The following PARD3 variants were observed in gnomAD, a reference collection of about 807,000 sequenced individuals.
PARD3 encodes partitioning defective 3 homolog.
In PARD3, 75 loss-of-function variants were observed where a neutral mutation model predicts 155.4. The ratio of observed to expected loss-of-function variants is 0.48; its 90% CI spans 0.40 to 0.58. The LOEUF is 0.58. PARD3 is among the 20% of genes least tolerant of loss of function. The pLI is 0.00. For missense variants in PARD3, 1,642 were observed against 1,721.7 expected, an observed-to-expected ratio of 0.95 and a Z score of 0.82; for synonymous variants, 576 against 610.5, an observed-to-expected ratio of 0.94 and a Z score of 0.83.
intron 3 of PARD3, among the ~76,000 whole-genome samples, chr10:34,511,327 CTTGA>C (rs2081385346): frequency 6.6e-6 from 1 of 152,024 alleles, no homozygotes. Context: ...GTTGTCTCTC[CTTGA>C]TTATTATTTT....
chr10:34,794,801 C>G (rs1392740184), intron 1 of PARD3, among the ~76,000 whole-genome samples: 1 of 152,222 alleles, frequency 6.6e-6, no homozygotes, highest in African/African-American at 2.4e-5. Context: ...TTTTATTGCC[C>G]TTGCCCAGAT....
intron 22 of PARD3, among the ~76,000 whole-genome samples, chr10:34,196,568 CTTTTTTTTTTTT>C (rs71523319): frequency 6.2e-5 from 6 of 97,422 alleles, no homozygotes; most frequent in African/African-American, 8.7e-5. Flanking sequence ...GTACCCTTTT[CTTTTTTTTTTTT>C]TTTTTTTTTT....
chr10:34,338,556 C>T (rs1429217021), intron 16 of PARD3, among the ~76,000 whole-genome samples: 1 of 152,198 alleles, frequency 6.6e-6, no homozygotes, highest in Non-Finnish European at 1.5e-5. Context: ...TTATGATAGT[C>T]TTCCTCATGT....
intron 1 of PARD3, among the ~76,000 whole-genome samples, chr10:34,737,487 C>G (rs2094936535): frequency 1.3e-5 from 2 of 152,332 alleles, no homozygotes; most frequent in South Asian, 4.1e-4. Flanking sequence ...ATCCTATCCC[C>G]TCCCACAATG....
intron 5 of PARD3, among the ~76,000 whole-genome samples, chr10:34,405,836 A>G: frequency 6.6e-6 from 1 of 152,242 alleles, no homozygotes; most frequent in South Asian, 2.1e-4. Flanking sequence ...ACACTGGCAC[A>G]CACAGAAGAA....
intron 7 of PARD3, among the ~76,000 whole-genome samples, chr10:34,387,370 T>C (rs1397054960): frequency 6.6e-6 from 1 of 152,236 alleles, no homozygotes; most frequent in Non-Finnish European, 1.5e-5. Context: ...ATACATCCTT[T>C]CAGTATTTAT....
At chr10:34,331,591 A>T (rs1328922027) in intron 18 of PARD3, among the ~76,000 whole-genome samples, 1 of 152,170 alleles carries the variant, frequency 6.6e-6, no homozygotes, top group African/African-American at 2.4e-5. Context: ...TACTTTTTAA[A>T]AAAAATTTCA....
At chr10:34,298,073 T>C (rs1341629549) in intron 20 of PARD3, among the ~76,000 whole-genome samples, 1 of 151,872 alleles carries the variant, frequency 6.6e-6, no homozygotes, top group Non-Finnish European at 1.5e-5. Flanking sequence ...TCCTCTTTGG[T>C]AAAATGTAAC....
chr10:34,113,470 T>G (rs1946495625), intron 24 of PARD3, among the ~76,000 whole-genome samples: 1 of 151,832 alleles, frequency 6.6e-6, no homozygotes, highest in South Asian at 2.1e-4. Context: ...AAGTAAGATA[T>G]GTGGGTAAAA....
At chr10:34,684,836 T>C (rs2985300) in intron 2 of PARD3, among the ~76,000 whole-genome samples, 39,577 of 135,292 alleles carry the variant, frequency 0.29, 5,755 homozygotes, top group South Asian at 0.39. Context: ...CACACATATA[T>C]ACACACACAC....
At chr10:34,181,991 A>G (rs1397229551) in intron 22 of PARD3, among the ~76,000 whole-genome samples, 1 of 152,206 alleles carries the variant, frequency 6.6e-6, no homozygotes, top group Non-Finnish European at 1.5e-5. Flanking sequence ...CGTGTCAGAT[A>G]AGAATTTGTT....
At chr10:34,759,277 A>G (rs947599325) in intron 1 of PARD3, among the ~76,000 whole-genome samples, 2 of 152,132 alleles carry the variant, frequency 1.3e-5, no homozygotes, top group Admixed American at 1.3e-4. Flanking sequence ...CACACGTGTA[A>G]ATCTTTAAAC....
chr10:34,217,674 G>A (rs1454914190), intron 22 of PARD3, among the ~76,000 whole-genome samples: 2 of 152,082 alleles, frequency 1.3e-5, no homozygotes, highest in Admixed American at 1.3e-4. Context: ...AAGTACAGAG[G>A]CAGTCATGCA....
intron 15 of PARD3, among the ~76,000 whole-genome samples, chr10:34,342,196 T>C (rs1836901242): frequency 1.3e-5 from 2 of 152,370 alleles, no homozygotes; most frequent in East Asian, 1.9e-4. Flanking sequence ...ACTTGCATTG[T>C]TTATTCATTC....
At chr10:34,336,334 C>T (rs548866437) in intron 17 of PARD3, 91 bp from the exon 18 acceptor site, 29 of 846,120 alleles carry the variant, frequency 3.4e-5, no homozygotes, top group African/African-American at 1.9e-4. Context: ...AGTTAGGTGA[C>T]GATCCTCAGC....
chr10:34,239,331 A>T (rs1197620614), intron 22 of PARD3, among the ~76,000 whole-genome samples: 1 of 152,196 alleles, frequency 6.6e-6, no homozygotes. Flanking sequence ...CTTCTTTCTG[A>T]AACAGCCTGG....
At chr10:34,355,230 G>A (rs890927566) in intron 14 of PARD3, among the ~76,000 whole-genome samples, 8 of 152,142 alleles carry the variant, frequency 5.3e-5, no homozygotes, top group African/African-American at 1.7e-4. Flanking sequence ...TAGGGAGACA[G>A]GTGGCAGGAT....
At chr10:34,289,158 C>A (rs757701816) in intron 20 of PARD3, among the ~76,000 whole-genome samples, 1 of 151,750 alleles carries the variant, frequency 6.6e-6, no homozygotes, top group Non-Finnish European at 1.5e-5. Flanking sequence ...GGTAGAGATG[C>A]GGTTTCCCAT....
At position 34,791,696 on chromosome 10, in the gene PARD3, A is replaced by C. The variant is rs553044413; in HGVS notation, c.120+23180T>G. On this transcript the variant is annotated intron_variant, in intron 1 of 24. Coordinates refer to ENST00000374788, the MANE Select transcript of PARD3 (RefSeq NM_001184785.2). ...TTCAAAACCCCATCTCTACAAAAAA[A>C]AATTGTTTAAATTAGTCACTGTAGT... Among the ~76,000 whole-genome samples, 4 of 152,208 alleles carry C rather than the reference A, an allele frequency of 2.6e-5. No homozygotes were observed. The South Asian group carries it at 8.3e-4, about 32-fold the overall frequency.
Sources: allele counts gnomAD v4.1 joint callset (sites outside exome capture counted in the v4.1 genomes callset), GRCh38; gene constraint gnomAD v4.1.1; transcripts MANE v1.5; gene names NCBI Gene and HGNC (gene_info 2026-07-23, HGNC 2026-07-21).